Variants in PREP observed in about 807,000 individuals in gnomAD.
The protein encoded by PREP is prolyl endopeptidase, also known as dJ355L5.1 (prolyl endopeptidase).
Under a neutral mutation model 87.6 loss-of-function variants are expected in PREP, and 29 were observed. The observed-to-expected ratio is 0.33, with a 90% CI of 0.25 to 0.45. The LOEUF is 0.45. Among genes scored for constraint, PREP ranks in the 20% least tolerant of loss-of-function variants. The pLI, the probability that PREP is intolerant of heterozygous loss-of-function variation, is 1.00. For synonymous variants in PREP, 337 were observed against 328.6 expected (o/e 1.03, Z -0.28); for missense variants, 695 against 886.5 (o/e 0.78, Z 2.74).
chr6:105,353,139 T>C (rs1243448968), intron 6 of PREP, 62 bp from the exon 7 acceptor site: 1 of 1,331,588 alleles, frequency 7.5e-7, no homozygotes, highest in South Asian at 1.2e-5. Context: ...GAGAACATTA[T>C]TGAATATTAA....
intron 2 of PREP, among the ~76,000 whole-genome samples, chr6:105,378,126 C>G (rs1772738609): frequency 6.6e-6 from 1 of 152,152 alleles, no homozygotes; most frequent in Non-Finnish European, 1.5e-5. Context: ...TAATTTCAAT[C>G]AGAGAACTTT....
chr6:105,293,423 A>G (rs2114619713), intron 10 of PREP, among the ~76,000 whole-genome samples: 1 of 152,326 alleles, frequency 6.6e-6, no homozygotes, highest in Middle Eastern at 3.4e-3. Flanking sequence ...CAATTACAAT[A>G]GTAACATTGA....
rs367994515 is a variant in PREP, at chr6:105,362,592, T to A, written c.717+6311A>T. ...AACTCTCTTCTGCAGGATTGTTTTA[T>A]GTATGAAGAGCGGCACAGCCTTCTT... On this transcript the variant is annotated intron_variant, in intron 6 of 14. Transcript: ENST00000652536. 6.6e-5 allele frequency among the ~76,000 whole-genome samples: 10 copies of A among 152,368 alleles called. No homozygotes were observed. In the East Asian group the frequency reaches 1.7e-3, roughly 26 times the overall value.
intron 10 of PREP, among the ~76,000 whole-genome samples, chr6:105,290,577 C>A: frequency 6.6e-6 from 1 of 151,830 alleles, no homozygotes; most frequent in Non-Finnish European, 1.5e-5. Context: ...TCCCAGCTGA[C>A]TCTCAGACCC....
chr6:105,281,517 G>A (rs946167682), intron 14 of PREP: 11 of 455,504 alleles, frequency 2.4e-5, no homozygotes, highest in African/African-American at 1.8e-4. Flanking sequence ...AGGAATCTTG[G>A]GAGGCCATCT....
At chr6:105,381,725 G>A (rs1772843326) in intron 2 of PREP, among the ~76,000 whole-genome samples, 1 of 152,168 alleles carries the variant, frequency 6.6e-6, no homozygotes, top group Non-Finnish European at 1.5e-5. Context: ...TATATCTCAT[G>A]TGCCTTGACT....
intron 12 of PREP, 40 bp from the exon 13 acceptor site, chr6:105,282,622 CATAAAA>C (rs777382993): frequency 6.3e-7 from 1 of 1,597,836 alleles, no homozygotes; most frequent in Non-Finnish European, 8.5e-7. Flanking sequence ...ATTAACAAAA[CATAAAA>C]ATAAGTTTAA....
intron 9 of PREP, 123 bp from the exon 10 acceptor site, chr6:105,323,891 T>C: frequency 2.4e-6 from 2 of 822,996 alleles, no homozygotes; most frequent in Non-Finnish European, 4.0e-6. Flanking sequence ...AGGGACTTGG[T>C]TAATCCCCAC....
At chr6:105,295,182 C>A (rs1368081123) in intron 10 of PREP, among the ~76,000 whole-genome samples, 2 of 137,296 alleles carry the variant, frequency 1.5e-5, no homozygotes, top group Non-Finnish European at 3.0e-5. Flanking sequence ...TTATTTCTGA[C>A]ACCACCATTT....
chr6:105,357,449 G>A (rs866513376), intron 6 of PREP, among the ~76,000 whole-genome samples: 1 of 152,214 alleles, frequency 6.6e-6, no homozygotes, highest in Non-Finnish European at 1.5e-5. Flanking sequence ...GAAGCAGGCA[G>A]TCCCAAGGTA....
At chr6:105,300,481 G>A (rs1770511041) in intron 10 of PREP, among the ~76,000 whole-genome samples, 1 of 152,084 alleles carries the variant, frequency 6.6e-6, no homozygotes, top group South Asian at 2.1e-4. Context: ...AAATGCTTGA[G>A]CAAATCATAA....
intron 10 of PREP, among the ~76,000 whole-genome samples, chr6:105,302,080 C>T (rs555533964): frequency 2.0e-5 from 3 of 152,322 alleles, no homozygotes; most frequent in Non-Finnish European, 2.9e-5. Flanking sequence ...TGTAGAACAT[C>T]AAAGCCATCT....
At chr6:105,305,499 G>A (rs544357808) in intron 10 of PREP, among the ~76,000 whole-genome samples, 1 of 152,098 alleles carries the variant, frequency 6.6e-6, no homozygotes, top group Non-Finnish European at 1.5e-5. Context: ...GCGTAGAGGC[G>A]GTATCACAAA....
rs371981471 is a variant in PREP, at chr6:105,353,030, A to G, written c.765T>C (p.Cys255=). Residue 255 remains cysteine (C), a synonymous_variant, in exon 7 of 15, where the codon TGT becomes TGC. Transcript: ENST00000652536. Reference sequence around the variant, plus strand: ...AGTACCAGAGTCGGTTTACTGGATCACATCCTTCCCTTATTGATAACAAGA... The same window carrying G: ...AGTACCAGAGTCGGTTTACTGGATCGCATCCTTCCCTTATTGATAACAAGA... The part of the protein sequence containing the change: ...RYVLLSIREG[C]DPVNRLWYCD... The G allele has an allele frequency of 5.0e-6, 8 of 1,614,146 alleles. No individual in the cohort carries two copies. The highest frequency in any genetic ancestry group is 5.9e-6 in the Non-Finnish European group (7 of 1,180,002).
chr6:105,313,449 T>C (rs1026000955), intron 10 of PREP, among the ~76,000 whole-genome samples: 1 of 152,180 alleles, frequency 6.6e-6, no homozygotes, highest in African/African-American at 2.4e-5. Flanking sequence ...CAAACTAAAA[T>C]GTTGCCCCGG....
Position 105,353,051 on chromosome 6 carries a change from C to T in PREP, c.744G>A (p.Leu248=). ...GATCACATCCTTCCCTTATTGATAACAAGACATAGCGGCCATCATCAGATA... is the reference window on the plus strand; with the variant it reads ...GATCACATCCTTCCCTTATTGATAATAAGACATAGCGGCCATCATCAGATA... ...AELSDDGRYV[L]LSIREGCDPV... Residue 248 remains leucine, a synonymous_variant, in exon 7 of 15, where the codon TTG becomes TTA. Transcript: ENST00000652536. The T allele has an allele frequency of 1.2e-6, 2 of 1,613,258 alleles. No homozygotes were observed. The highest frequency in any genetic ancestry group is 1.7e-6 in the Non-Finnish European group (2 of 1,179,576).
chr6:105,294,086 T>C (rs1310838040), intron 10 of PREP, among the ~76,000 whole-genome samples: 1 of 152,162 alleles, frequency 6.6e-6, no homozygotes, highest in Non-Finnish European at 1.5e-5. Context: ...TTGCTTCCAT[T>C]TGCTTCCCAC....
intron 10 of PREP, among the ~76,000 whole-genome samples, chr6:105,299,900 C>CT (rs199769252): frequency 0.023 from 3,334 of 143,184 alleles, 107 homozygotes; most frequent in African/African-American, 0.074. Flanking sequence ...TGCTTCTCTG[C>CT]TTTTTTTTTT....
rs181842651 is a variant in PREP at position 105,377,907 on chromosome 6, T to A, written c.121-388A>T. On this transcript the variant is annotated intron_variant, in intron 2 of 14. Coordinates refer to ENST00000652536, the MANE Select transcript of PREP (RefSeq NM_002726.5). ...AGCTAGGAAGTGGCAGATGGCAGAG[T>A]TGGCTCCCAGATCCACGCTCCTAAC... is the stretch of plus-strand genomic sequence containing the variant. 5.9e-5 allele frequency among the ~76,000 whole-genome samples: 9 copies of A among 151,354 alleles called. No individual in the cohort carries two copies. In the East Asian group the frequency reaches 7.8e-4, roughly 13 times the overall value.
Sources: allele counts gnomAD v4.1 joint callset (sites outside exome capture counted in the v4.1 genomes callset), GRCh38; gene constraint gnomAD v4.1.1; transcripts MANE v1.5; gene names NCBI Gene and HGNC (gene_info 2026-07-23, HGNC 2026-07-21).